The following NEIL3 variants were observed in gnomAD, a reference collection of about 807,000 sequenced individuals.
The protein encoded by NEIL3 is nei like DNA glycosylase 3.
NEIL3 carries 48 observed loss-of-function variants against 57.5 expected under a neutral mutation model. The ratio of observed to expected loss-of-function variants is 0.83; its 90% confidence interval spans 0.66 to 1.06. The LOEUF is 1.06. NEIL3 is among the 50% of genes least tolerant of loss of function. The pLI, the probability that NEIL3 is intolerant of heterozygous loss-of-function variation, is 0.00. For synonymous variants in NEIL3, 261 were observed against 253.2 expected, an observed-to-expected ratio of 1.03 and a Z score of -0.29; for missense variants, 717 against 739.1, an observed-to-expected ratio of 0.97 and a Z score of 0.35.
chr4:177,327,791 A>G (rs549346976), intron 2 of NEIL3, among the ~76,000 whole-genome samples: 21 of 152,196 alleles, frequency 1.4e-4, no homozygotes, highest in Admixed American at 4.6e-4. Flanking sequence ...TTCTGCATCT[A>G]TTGAGATCAT....
intron 4 of NEIL3, among the ~76,000 whole-genome samples, chr4:177,337,500 G>A (rs994500076): frequency 1.3e-5 from 2 of 152,172 alleles, no homozygotes; most frequent in African/African-American, 4.8e-5. Flanking sequence ...CGTGAGTTCA[G>A]TATGGAAATA....
intron 2 of NEIL3, among the ~76,000 whole-genome samples, chr4:177,333,682 T>G (rs1734922883): frequency 6.6e-6 from 1 of 152,198 alleles, no homozygotes; most frequent in South Asian, 2.1e-4. Flanking sequence ...GACCTTCCTT[T>G]GCTTTGCTGG....
chr4:177,324,590 TAC>T, intron 2 of NEIL3, among the ~76,000 whole-genome samples: 1 of 152,314 alleles, frequency 6.6e-6, no homozygotes, highest in East Asian at 1.9e-4. Flanking sequence ...AATTATTTGA[TAC>T]ACATTTATTT....
At chr4:177,351,071 A>G (rs979790958) in intron 6 of NEIL3, among the ~76,000 whole-genome samples, 2 of 151,450 alleles carry the variant, frequency 1.3e-5, no homozygotes, top group African/African-American at 2.4e-5. Flanking sequence ...AAGCAGACCA[A>G]TGTGCACCTG....
intron 1 of NEIL3, among the ~76,000 whole-genome samples, chr4:177,312,733 T>C (rs911134621): frequency 2.6e-5 from 4 of 152,200 alleles, no homozygotes; most frequent in Non-Finnish European, 5.9e-5. Context: ...AATAGGTCTT[T>C]GTGGTTAGTA....
chr4:177,317,233 A>AT (rs1171745352), intron 1 of NEIL3, among the ~76,000 whole-genome samples: 1 of 152,174 alleles, frequency 6.6e-6, no homozygotes, highest in African/African-American at 2.4e-5. Flanking sequence ...TAAAGATCAT[A>AT]TTGTATGTTG....
intron 2 of NEIL3, among the ~76,000 whole-genome samples, chr4:177,332,857 C>T (rs2110902980): frequency 1.3e-5 from 2 of 152,234 alleles, no homozygotes; most frequent in Non-Finnish European, 2.9e-5. Context: ...CATGGCGGGG[C>T]TTGTCACATT....
chr4:177,343,785 T>A (rs1735152646), intron 6 of NEIL3: 1 of 139,000 alleles, frequency 7.2e-6, no homozygotes, highest in Non-Finnish European at 1.6e-5. Flanking sequence ...TTAAATTTTT[T>A]ATGAACATTC....
intron 2 of NEIL3, among the ~76,000 whole-genome samples, chr4:177,328,369 A>T (rs901825460): frequency 2.0e-5 from 3 of 152,208 alleles, no homozygotes; most frequent in Non-Finnish European, 4.4e-5. Flanking sequence ...AAGAGCCTCA[A>T]ACCAAACCAA....
At chr4:177,363,424 T>C (rs1560924998), downstream of NEIL3, among the ~76,000 whole-genome samples, 1 of 152,190 alleles carries the variant, frequency 6.6e-6, no homozygotes, top group Non-Finnish European at 1.5e-5. Context: ...GACTCTACAC[T>C]GAAAAGACAG....
intron 8 of NEIL3, among the ~76,000 whole-genome samples, chr4:177,359,521 T>G (rs2110942369): frequency 6.6e-6 from 1 of 152,268 alleles, no homozygotes; most frequent in South Asian, 2.1e-4. Context: ...GAAATCACCT[T>G]TGATTTTTAA....
At chr4:177,345,679 C>CTT (rs55741585) in intron 6 of NEIL3, among the ~76,000 whole-genome samples, 53 of 78,058 alleles carry the variant, frequency 6.8e-4, no homozygotes, top group South Asian at 9.6e-4. Context: ...CCACGCCTGG[C>CTT]TTTTTTTTTT....
At chr4:177,341,349 C>A in intron 5 of NEIL3, 127 bp from the exon 6 acceptor site, 1 of 623,054 alleles carries the variant, frequency 1.6e-6, no homozygotes, top group Non-Finnish European at 2.6e-6. Flanking sequence ...ATTATATTGA[C>A]ATATGTACAA....
intron 2 of NEIL3, 94 bp downstream of exon 2, chr4:177,322,674 T>C (rs1578989207): frequency 2.1e-6 from 3 of 1,450,934 alleles, no homozygotes; most frequent in South Asian, 1.2e-5. Flanking sequence ...TTTAATCATA[T>C]AGGAAGTACT....
intron 6 of NEIL3, among the ~76,000 whole-genome samples, chr4:177,344,492 C>T (rs1301917759): frequency 6.6e-6 from 1 of 152,176 alleles, no homozygotes; most frequent in Non-Finnish European, 1.5e-5. Flanking sequence ...AGTCCTCCCC[C>T]AATTTTCCAG....
chr4:177,362,337 A>G lies in NEIL3; in HGVS notation c.1684A>G (p.Met562Val), dbSNP rs200587934. ...PFCNHGKRST[M>V]KTVLKIGPNN... is the part of the protein sequence containing the mutation. Reference sequence around the variant, plus strand: ...CTGCAACCATGGCAAGCGTTCCACCATGAAAACAGTATTGAAGATTGGACC... The same window carrying G: ...CTGCAACCATGGCAAGCGTTCCACCGTGAAAACAGTATTGAAGATTGGACC... The change falls in exon 10 of 10, where the codon ATG (methionine) becomes GTG (valine). Residue 562 changes from methionine to valine, a missense_variant. Met to Val is a conservative substitution (Grantham distance 21). Transcript: ENST00000264596. The G allele has an allele frequency of 1.8e-5, 29 of 1,612,840 alleles. No homozygotes were observed. Among genetic ancestry groups the G allele is most frequent in the Non-Finnish European group, 2.2e-5 (26 of 1,179,528 alleles).
intron 6 of NEIL3, among the ~76,000 whole-genome samples, chr4:177,346,132 T>TA (rs2110919785): frequency 6.6e-6 from 1 of 152,280 alleles, no homozygotes; most frequent in South Asian, 2.1e-4. Flanking sequence ...CCAGAGGTCT[T>TA]AAATAGGCTT....
intron 6 of NEIL3, among the ~76,000 whole-genome samples, chr4:177,346,529 T>G (rs939892550): frequency 2.0e-5 from 3 of 152,188 alleles, no homozygotes; most frequent in Non-Finnish European, 2.9e-5. Flanking sequence ...CTCTGTTTCT[T>G]CTGCCTCTCT....
At chr4:177,341,730 AG>A in intron 6 of NEIL3, 88 bp downstream of exon 6, 1 of 1,129,520 alleles carries the variant, frequency 8.9e-7, no homozygotes, top group Non-Finnish European at 1.2e-6. Context: ...AATAACTGTC[AG>A]GCTATTCAGA....
Sources: allele counts gnomAD v4.1 joint callset (sites outside exome capture counted in the v4.1 genomes callset), GRCh38; gene constraint gnomAD v4.1.1; transcripts MANE v1.5; gene names NCBI Gene and HGNC (gene_info 2026-07-23, HGNC 2026-07-21).